The following TM9SF2 variants were observed in gnomAD, a reference collection of about 807,000 sequenced individuals.
TM9SF2 encodes the protein 76 kDa membrane protein.
A neutral mutation model predicts 84.9 loss-of-function variants in TM9SF2; 13 were observed. The ratio of observed to expected loss-of-function variants is 0.15; its 90% CI spans 0.10 to 0.24. TM9SF2 has a LOEUF of 0.24. Among genes scored for constraint, TM9SF2 ranks in the 10% least tolerant of loss-of-function variants. The pLI is 1.00. For synonymous variants in TM9SF2, 273 were observed against 285.8 expected (o/e 0.96, Z 0.45); for missense variants, 562 against 818.5 (o/e 0.69, Z 3.82).
At chr13:99,529,121 T>C (rs865949546) in intron 3 of TM9SF2, among the ~76,000 whole-genome samples, 51 of 152,312 alleles carry the variant, frequency 3.3e-4, no homozygotes, top group Middle Eastern at 3.4e-3. Flanking sequence ...CCAGAATTCC[T>C]AAGACATGAC....
chr13:99,538,484 G>A (rs2046244134), intron 6 of TM9SF2, among the ~76,000 whole-genome samples: 1 of 151,482 alleles, frequency 6.6e-6, no homozygotes, highest in African/African-American at 2.4e-5. Context: ...AACTTCATCA[G>A]TATTTTTTTT....
At chr13:99,552,734 G>A (rs2046311013) in intron 13 of TM9SF2, among the ~76,000 whole-genome samples, 1 of 152,188 alleles carries the variant, frequency 6.6e-6, no homozygotes, top group African/African-American at 2.4e-5. Flanking sequence ...CTCCCGAGTA[G>A]CTGGGATTAC....
rs574399973 is a variant in TM9SF2, at chr13:99,524,947, C to T, written c.334-4520C>T. ...AGCCACTGATGAGAAAGAAGGGTAA[C>T]GGAGAATGTGGTCCCCAGAGGCCGA... On this transcript the variant is annotated intron_variant, in intron 3 of 16. Transcript: ENST00000376387. Among the ~76,000 whole-genome samples, 160 of 151,798 alleles carry T rather than the reference C, an allele frequency of 1.1e-3. 1 individual carries two copies. The highest frequency in any genetic ancestry group is 1.5e-3 in the African/African-American group (64 of 41,412).
chr13:99,527,939 A>G (rs976124420), intron 3 of TM9SF2, among the ~76,000 whole-genome samples: 6 of 152,110 alleles, frequency 3.9e-5, no homozygotes, highest in South Asian at 4.1e-4. Context: ...GATGGAGTTG[A>G]CTCGTACCCA....
chr13:99,542,945 G>A (rs1199476683), intron 9 of TM9SF2, among the ~76,000 whole-genome samples: 1 of 152,104 alleles, frequency 6.6e-6, no homozygotes, highest in Admixed American at 6.5e-5. Context: ...CGGCCCTCCA[G>A]GGACTTCTGT....
intron 13 of TM9SF2, among the ~76,000 whole-genome samples, chr13:99,552,944 T>C (rs2046311987): frequency 6.6e-6 from 1 of 152,172 alleles, no homozygotes; most frequent in Admixed American, 6.5e-5. Flanking sequence ...TAGCAAATGT[T>C]TGTGGTTGAT....
rs148530395 is a variant in TM9SF2, at chr13:99,520,248, C to T, written c.333+119C>T. The T allele has an allele frequency of 2.1e-4, 163 of 783,640 alleles. No individual in the cohort carries two copies. In the African/African-American group the frequency reaches 2.7e-3, roughly 13 times the overall value. 48.5% of individuals were successfully genotyped at this position (783,640 alleles called of 1,614,324 possible). ...GGAGGAGTTCATTTCTCTTTTTCAT[C>T]TAGGAATAGGTTCTTAAAATCAAAG... is the stretch of plus-strand genomic sequence containing the variant. On this transcript the variant is annotated intron_variant, in intron 3 of 16. Transcript: ENST00000376387.
At chr13:99,559,142 G>T (rs2046335118) in intron 15 of TM9SF2, among the ~76,000 whole-genome samples, 1 of 152,136 alleles carries the variant, frequency 6.6e-6, no homozygotes, top group Admixed American at 6.5e-5. Flanking sequence ...CACATTTTTA[G>T]CCAGTTTTTA....
chr13:99,543,092 C>T (rs777826567), intron 9 of TM9SF2, among the ~76,000 whole-genome samples: 6 of 152,186 alleles, frequency 3.9e-5, no homozygotes, highest in African/African-American at 1.4e-4. Context: ...AGAGCCTTCA[C>T]GAAGCTCACT....
chr13:99,539,173 G>T (rs4433672), intron 6 of TM9SF2, among the ~76,000 whole-genome samples: 1 of 147,782 alleles, frequency 6.8e-6, no homozygotes, highest in African/African-American at 2.5e-5. Context: ...TGGCACCACC[G>T]CACTCAGGCC....
At chr13:99,531,023 G>T (rs1419239373) in intron 4 of TM9SF2, among the ~76,000 whole-genome samples, 4 of 151,880 alleles carry the variant, frequency 2.6e-5, no homozygotes, top group Admixed American at 2.0e-4. Flanking sequence ...ACCACACCTG[G>T]CTAATTTTTA....
At chr13:99,519,706 G>A (rs1377733837) in intron 2 of TM9SF2, 3 of 175,974 alleles carry the variant, frequency 1.7e-5, no homozygotes, top group Non-Finnish European at 3.6e-5. Flanking sequence ...GATAAGTTAT[G>A]CAAAATTTGC....
chr13:99,501,726 C>A lies in TM9SF2; in HGVS notation c.120C>A (p.Gly40=), dbSNP rs746269091. The part of the protein sequence containing the change: ...PRRSGAFYLP[G]LAPVNFCDEE... ...GGAGCGGCGCTTTCTACCTGCCCGG[C>A]CTGGCGCCCGTCAACTTCTGCGACG... Residue 40 remains glycine, a synonymous_variant, in exon 1 of 17, where the codon GGC becomes GGA. Coordinates refer to ENST00000376387, the MANE Select transcript of TM9SF2 (RefSeq NM_004800.3). 7.4e-6 allele frequency: 12 copies of A among 1,611,928 alleles called. No individual in the cohort carries two copies. The highest frequency in any genetic ancestry group is 1.0e-5 in the Non-Finnish European group (12 of 1,179,600).
rs914133738 is a variant in TM9SF2 at position 99,546,920 on chromosome 13, C to A, written c.1151-65C>A. The A allele has an allele frequency of 1.9e-6, 3 of 1,596,028 alleles. No homozygotes were observed. The African/African-American group carries it at 4.0e-5, about 21-fold the overall frequency. On this transcript the variant is annotated intron_variant, in intron 10 of 16. Coordinates refer to ENST00000376387, the MANE Select transcript of TM9SF2 (RefSeq NM_004800.3). Reference sequence around the variant, plus strand: ...TTGTTTGAAAAATGAGAGGGTTTCTCTATCATTTCACAGCAAAGGAAACAG... The same window carrying A: ...TTGTTTGAAAAATGAGAGGGTTTCTATATCATTTCACAGCAAAGGAAACAG...
chr13:99,514,496 G>A (rs2046125933), intron 1 of TM9SF2, among the ~76,000 whole-genome samples: 1 of 152,140 alleles, frequency 6.6e-6, no homozygotes, highest in East Asian at 1.9e-4. Context: ...TATACCCCCA[G>A]GTGTGTAGTA....
At chr13:99,558,385 G>C (rs1253100350) in intron 15 of TM9SF2, among the ~76,000 whole-genome samples, 4 of 152,200 alleles carry the variant, frequency 2.6e-5, no homozygotes, top group African/African-American at 4.8e-5. Flanking sequence ...AATTATGATA[G>C]GGATTACATT....
At chr13:99,508,443 A>ACACACACACACACACACACACC (rs1311954976) in intron 1 of TM9SF2, among the ~76,000 whole-genome samples, 28 of 147,558 alleles carry the variant, frequency 1.9e-4, no homozygotes, top group Non-Finnish European at 2.7e-4. Flanking sequence ...ACACACACAC[A>ACACACACACACACACACACACC]CCCCAGAGAT....
At chr13:99,514,483 A>G (rs769930133) in intron 1 of TM9SF2, among the ~76,000 whole-genome samples, 1 of 152,202 alleles carries the variant, frequency 6.6e-6, no homozygotes, top group Non-Finnish European at 1.5e-5. Context: ...ACCACACCAT[A>G]TATATACCCC....
At chr13:99,529,633 T>A (rs1166727952) in intron 4 of TM9SF2, 39 bp downstream of exon 4, 2 of 1,463,898 alleles carry the variant, frequency 1.4e-6, no homozygotes, top group African/African-American at 1.5e-5. Flanking sequence ...GTTTATCCTT[T>A]CCATATGAAA....
Sources: gnomAD v4.1 joint callset for allele counts (sites outside exome capture counted in the v4.1 genomes callset) on GRCh38, gnomAD v4.1.1 for gene constraint, MANE v1.5 for transcripts, NCBI Gene and HGNC (gene_info 2026-07-23, HGNC 2026-07-21) for gene names.